CNTNAP2: variants seen among roughly 807,000 people sequenced by gnomAD.
CNTNAP2 encodes contactin-associated protein-like 2.
CNTNAP2 carries 98 observed loss-of-function variants against 155.2 expected under a neutral mutation model. That is an observed-to-expected ratio of 0.63 (90% confidence interval 0.54 to 0.75). The LOEUF is 0.75. Among genes scored for constraint, CNTNAP2 ranks in the 30% least tolerant of loss-of-function variants. The pLI is 0.00. For missense variants in CNTNAP2, 1,727 were observed against 1,688.1 expected (o/e 1.02, Z -0.40); for synonymous variants, 651 against 631.2 (o/e 1.03, Z -0.47).
At chr7:148,097,340 T>TAAAAAAAAAAAAA (rs754030091) in intron 15 of CNTNAP2, among the ~76,000 whole-genome samples, 74 of 78,450 alleles carry the variant, frequency 9.4e-4, no homozygotes, top group African/African-American at 3.2e-3. Flanking sequence ...GTGTCATTTG[T>TAAAAAAAAAAAAA]AAAAAAAAAA....
At chr7:146,654,286 G>A (rs1002600125) in intron 1 of CNTNAP2, among the ~76,000 whole-genome samples, 1 of 151,824 alleles carries the variant, frequency 6.6e-6, no homozygotes, top group Non-Finnish European at 1.5e-5. Flanking sequence ...GCAGGACAGC[G>A]GCTCCAAGCA....
intron 1 of CNTNAP2, among the ~76,000 whole-genome samples, chr7:146,484,385 C>A (rs1211098753): frequency 1.3e-5 from 2 of 152,176 alleles, no homozygotes; most frequent in Non-Finnish European, 2.9e-5. Flanking sequence ...TTGGAAAAGT[C>A]TGAATGCTGT....
At chr7:146,181,869 G>C (rs905564596) in intron 1 of CNTNAP2, among the ~76,000 whole-genome samples, 1 of 152,126 alleles carries the variant, frequency 6.6e-6, no homozygotes, top group Non-Finnish European at 1.5e-5. Context: ...CACAAGTAGA[G>C]TGCATGGCAC....
intron 13 of CNTNAP2, among the ~76,000 whole-genome samples, chr7:147,706,935 T>C (rs1796325453): frequency 6.6e-6 from 1 of 152,160 alleles, no homozygotes; most frequent in African/African-American, 2.4e-5. Flanking sequence ...TTCAAATGTA[T>C]TTTTTATTTC....
At position 147,079,637 on chromosome 7, in the gene CNTNAP2, A is replaced by C. The variant is rs1052830590; in HGVS notation, c.551-28510A>C. Among the ~76,000 whole-genome samples, 103 of 150,538 alleles carry C rather than the reference A, an allele frequency of 6.8e-4. 7 individuals carry two copies. The highest frequency in any genetic ancestry group is 3.0e-5 in the Non-Finnish European group (2 of 67,696). ...TAATAATAATAATGCTAATAATAAT[A>C]AATTAATTATAATACACTCCCTGCC... On this transcript the variant is annotated intron_variant, in intron 4 of 23. Coordinates refer to ENST00000361727, the MANE Select transcript of CNTNAP2 (RefSeq NM_014141.6).
chr7:146,287,729 T>C (rs1800360022), intron 1 of CNTNAP2, among the ~76,000 whole-genome samples: 1 of 152,182 alleles, frequency 6.6e-6, no homozygotes, highest in African/African-American at 2.4e-5. Flanking sequence ...TATGACAAGA[T>C]TCTCAAACTA....
chr7:146,330,433 C>T (rs1236973871), intron 1 of CNTNAP2, among the ~76,000 whole-genome samples: 1 of 152,116 alleles, frequency 6.6e-6, no homozygotes, highest in Non-Finnish European at 1.5e-5. Context: ...GGCTATAAAA[C>T]AAACCTGTTC....
chr7:147,393,768 C>A (rs1266702130), intron 9 of CNTNAP2, among the ~76,000 whole-genome samples: 1 of 151,552 alleles, frequency 6.6e-6, no homozygotes, highest in Non-Finnish European at 1.5e-5. Context: ...TAAAGTAGAG[C>A]CTTACATGGA....
At chr7:146,897,107 G>A (rs190997999) in intron 3 of CNTNAP2, among the ~76,000 whole-genome samples, 25 of 152,148 alleles carry the variant, frequency 1.6e-4, no homozygotes, top group Admixed American at 1.5e-3. Flanking sequence ...TCTCTCACTA[G>A]ACAAAAGTCA....
At chr7:148,188,267 A>G (rs1795151405) in intron 18 of CNTNAP2, among the ~76,000 whole-genome samples, 1 of 152,118 alleles carries the variant, frequency 6.6e-6, no homozygotes, top group African/African-American at 2.4e-5. Context: ...AATCAGTAGG[A>G]GTGGGTCTGG....
intron 1 of CNTNAP2, among the ~76,000 whole-genome samples, chr7:146,650,686 T>C (rs1799895738): frequency 6.6e-6 from 1 of 152,136 alleles, no homozygotes; most frequent in Non-Finnish European, 1.5e-5. Context: ...ACTTAAAGTA[T>C]AATAAAGAAA....
chr7:146,978,420 G>C (rs1051816368), intron 3 of CNTNAP2, among the ~76,000 whole-genome samples: 2 of 152,070 alleles, frequency 1.3e-5, no homozygotes, highest in South Asian at 4.1e-4. Context: ...AGCCTGTCCT[G>C]TTCAGAAAAA....
intron 1 of CNTNAP2, among the ~76,000 whole-genome samples, chr7:146,569,100 G>T (rs1389605242): frequency 6.6e-6 from 1 of 151,886 alleles, no homozygotes; most frequent in Non-Finnish European, 1.5e-5. Context: ...CACCGCAAGG[G>T]CTGCCTCCCG....
At chr7:147,353,702 G>T (rs946499096) in intron 9 of CNTNAP2, among the ~76,000 whole-genome samples, 1 of 152,074 alleles carries the variant, frequency 6.6e-6, no homozygotes, top group Non-Finnish European at 1.5e-5. Context: ...TCTGGGTCTA[G>T]ATCCTTGAGG....
chr7:146,628,214 T>C (rs1799452281), intron 1 of CNTNAP2, among the ~76,000 whole-genome samples: 1 of 152,128 alleles, frequency 6.6e-6, no homozygotes, highest in Non-Finnish European at 1.5e-5. Context: ...CAAGGGAAGA[T>C]AAGTTGCTGA....
chr7:147,975,180 A>T (rs1296518205), intron 14 of CNTNAP2, among the ~76,000 whole-genome samples: 1 of 151,728 alleles, frequency 6.6e-6, no homozygotes, highest in African/African-American at 2.4e-5. Context: ...TAAATATTTA[A>T]AGTTGGGTAG....
At chr7:146,664,121 T>C (rs1800143655) in intron 1 of CNTNAP2, among the ~76,000 whole-genome samples, 1 of 151,348 alleles carries the variant, frequency 6.6e-6, no homozygotes. Context: ...GATGAGCATA[T>C]ACTTTCTCTT....
At position 148,409,373 on chromosome 7, in the gene CNTNAP2, C is replaced by CTCTT. The variant is rs142426153; in HGVS notation, c.3716-10_3716-7dup. 2.3e-6 allele frequency: 2 copies of CTCTT among 866,280 alleles called. No homozygotes were observed. The highest frequency in any genetic ancestry group is 2.2e-5 in the Admixed American group (1 of 45,058). 53.7% of individuals were successfully genotyped at this position (866,280 alleles called of 1,614,324 possible). A position where few individuals can be genotyped will look rare whatever the true frequency, so the allele number is the denominator to read the frequency against. On this transcript the variant is annotated splice_polypyrimidine_tract_variant and intron_variant, in intron 22 of 23. Coordinates refer to ENST00000361727, the MANE Select transcript of CNTNAP2 (RefSeq NM_014141.6). ...TAGTATACTTGACTCTGACACTTGA[C>CTCTT]TCTTTCTTTCTCTACAGCCAGTGCG...
intron 2 of CNTNAP2, among the ~76,000 whole-genome samples, chr7:146,834,292 C>T (rs1422508438): frequency 2.0e-5 from 3 of 152,162 alleles, no homozygotes; most frequent in African/African-American, 7.2e-5. Flanking sequence ...TCATATTAGT[C>T]CAGAGTACTA....
Sources: allele counts gnomAD v4.1 joint callset (sites outside exome capture counted in the v4.1 genomes callset), GRCh38; gene constraint gnomAD v4.1.1; transcripts MANE v1.5; gene names NCBI Gene and HGNC (gene_info 2026-07-23, HGNC 2026-07-21).